Variants in MYO3B observed in about 807,000 individuals in gnomAD.
MYO3B encodes myosin-IIIb.
Under a neutral mutation model 174.6 loss-of-function variants are expected in MYO3B, and 156 were observed. The observed-to-expected ratio is 0.89, with a 90% CI of 0.78 to 1.02. The LOEUF (loss-of-function observed/expected upper bound fraction) is 1.02. MYO3B is among the 50% of genes least tolerant of loss of function. The pLI, the probability that MYO3B is intolerant of heterozygous loss-of-function variation, is 0.00. For synonymous variants in MYO3B, 563 were observed against 569.1 expected (o/e 0.99, Z 0.15); for missense variants, 1,632 against 1,639.4 (o/e 1.00, Z 0.08).
Position 170,639,373 on chromosome 2 carries a change from G to T in MYO3B, c.3734-12255G>T, listed in dbSNP as rs371268733. 9.2e-5 allele frequency among the ~76,000 whole-genome samples: 14 copies of T among 152,290 alleles called. No individual in the cohort carries two copies. In the East Asian group the frequency reaches 2.5e-3, roughly 27 times the overall value. On this transcript the variant is annotated intron_variant, in intron 32 of 34. Coordinates refer to ENST00000408978, the MANE Select transcript of MYO3B (RefSeq NM_138995.5). ...GCTGTTTTCCCACTGGGTGCAGTTT[G>T]GGTGGCCATTTTCGCCATAATTCCT... is the stretch of plus-strand genomic sequence containing the variant.
rs144401744 is a variant in MYO3B at position 170,368,591 on chromosome 2, A to T, written c.816-631A>T. ...GTTTAAATGCAACCCAATTTTTATCATTTCGAATGGACTTTTTGTTCCCTG... is the reference window on the plus strand; with the variant it reads ...GTTTAAATGCAACCCAATTTTTATCTTTTCGAATGGACTTTTTGTTCCCTG... On this transcript the variant is annotated intron_variant, in intron 8 of 34. Coordinates refer to ENST00000408978, the MANE Select transcript of MYO3B (RefSeq NM_138995.5). Among the ~76,000 whole-genome samples, 370 of 152,308 alleles carry T rather than the reference A, an allele frequency of 2.4e-3. 6 individuals are homozygous for T. Among genetic ancestry groups the T allele is most frequent in the African/African-American group, 8.5e-3 (354 of 41,570 alleles).
At chr2:170,226,818 C>A (rs1475813208) in intron 6 of MYO3B, among the ~76,000 whole-genome samples, 1 of 152,128 alleles carries the variant, frequency 6.6e-6, no homozygotes, top group Admixed American at 6.5e-5. Context: ...CTACCAGGAG[C>A]ATTTGGAATT....
At chr2:170,404,763 G>A (rs977148592) in intron 20 of MYO3B, among the ~76,000 whole-genome samples, 3 of 152,000 alleles carry the variant, frequency 2.0e-5, no homozygotes, top group Non-Finnish European at 2.9e-5. Context: ...CCTCTAATCT[G>A]ATTTCATGCA....
At chr2:170,398,228 GAAAAAAA>G (rs34432719) in intron 16 of MYO3B, among the ~76,000 whole-genome samples, 32 of 87,952 alleles carry the variant, frequency 3.6e-4, no homozygotes, top group South Asian at 4.1e-4. Flanking sequence ...TGTCTCAAAA[GAAAAAAA>G]AAAAAAAAAA....
At chr2:170,424,645 T>C (rs181358558) in intron 22 of MYO3B, among the ~76,000 whole-genome samples, 2 of 152,212 alleles carry the variant, frequency 1.3e-5, no homozygotes, top group Admixed American at 6.5e-5. Context: ...AAACAAACTT[T>C]AATAATGAGT....
intron 1 of MYO3B, among the ~76,000 whole-genome samples, chr2:170,198,028 T>G (rs1440098184): frequency 1.3e-5 from 2 of 151,986 alleles, no homozygotes; most frequent in Non-Finnish European, 2.9e-5. Context: ...GCTTTTGACC[T>G]AATGTGGGAA....
chr2:170,211,107 A>C (rs942144704), intron 3 of MYO3B, among the ~76,000 whole-genome samples: 2 of 152,206 alleles, frequency 1.3e-5, no homozygotes, highest in Non-Finnish European at 2.9e-5. Flanking sequence ...CTGGGGTTCC[A>C]TGAGAAAAAC....
At chr2:170,567,267 T>C (rs1334816344) in intron 32 of MYO3B, among the ~76,000 whole-genome samples, 3 of 152,180 alleles carry the variant, frequency 2.0e-5, no homozygotes, top group African/African-American at 7.2e-5. Flanking sequence ...GTCATTCTGA[T>C]ACCAAAATCA....
intron 27 of MYO3B, among the ~76,000 whole-genome samples, chr2:170,501,063 G>C (rs998784254): frequency 1.4e-5 from 2 of 145,092 alleles, no homozygotes; most frequent in Non-Finnish European, 3.0e-5. Flanking sequence ...CAGCAACTTC[G>C]AGAGTTGTGA....
chr2:170,420,458 C>G (rs2094607311), intron 22 of MYO3B, among the ~76,000 whole-genome samples: 1 of 152,056 alleles, frequency 6.6e-6, no homozygotes, highest in Non-Finnish European at 1.5e-5. Context: ...AACCACAGAG[C>G]TTTTGCAGAC....
At chr2:170,641,541 G>A (rs928319948) in intron 32 of MYO3B, 1 of 151,974 alleles carries the variant, frequency 6.6e-6, no homozygotes, top group Non-Finnish European at 1.5e-5. Context: ...GAAAAACATT[G>A]GAAACAACTT....
chr2:170,278,728 C>T (rs1450288822), intron 7 of MYO3B, among the ~76,000 whole-genome samples: 1 of 151,676 alleles, frequency 6.6e-6, no homozygotes, highest in Admixed American at 6.6e-5. Flanking sequence ...CTGTATGTTT[C>T]TACCCATTAA....
At chr2:170,555,920 G>A (rs561355997) in intron 32 of MYO3B, among the ~76,000 whole-genome samples, 1 of 151,992 alleles carries the variant, frequency 6.6e-6, no homozygotes, top group South Asian at 2.1e-4. Context: ...TGTCGGCTGG[G>A]TGTGGTGGCT....
At chr2:170,250,916 G>A (rs986297637) in intron 7 of MYO3B, among the ~76,000 whole-genome samples, 57 of 151,654 alleles carry the variant, frequency 3.8e-4, no homozygotes, top group African/African-American at 9.2e-4. Context: ...TCTGCCATTC[G>A]TCTGCTTGTC....
intron 8 of MYO3B, among the ~76,000 whole-genome samples, chr2:170,361,578 TAAG>T (rs1035049763): frequency 3.2e-4 from 48 of 152,318 alleles, no homozygotes; most frequent in African/African-American, 1.1e-3. Context: ...AGCTTAAACA[TAAG>T]AAGGAGGTGC....
At chr2:170,311,494 A>G (rs1379589318) in intron 7 of MYO3B, among the ~76,000 whole-genome samples, 1 of 150,988 alleles carries the variant, frequency 6.6e-6, no homozygotes, top group Non-Finnish European at 1.5e-5. Context: ...TTTTTCTAAT[A>G]TATTCTGGAT....
rs1043509789 is a variant in MYO3B, at chr2:170,329,008, C to T, written c.750-6377C>T. On this transcript the variant is annotated intron_variant, in intron 7 of 34. Coordinates refer to ENST00000408978, the MANE Select transcript of MYO3B (RefSeq NM_138995.5). ...AAACACTGTCTCTACAAAATTTAGC[C>T]GGGCATGATGGCAGGTGTCTGTAAT... Among the ~76,000 whole-genome samples the T allele has an allele frequency of 3.9e-5, 6 of 151,912 alleles. No individual in the cohort carries two copies. In the East Asian group the frequency reaches 7.7e-4, roughly 20 times the overall value.
At chr2:170,549,744 G>A (rs367695936) in intron 32 of MYO3B, among the ~76,000 whole-genome samples, 9 of 152,014 alleles carry the variant, frequency 5.9e-5, no homozygotes, top group African/African-American at 1.7e-4. Context: ...CAGATGAGTC[G>A]GTCACCCTGT....
chr2:170,317,114 A>G (rs1335323206), intron 7 of MYO3B, among the ~76,000 whole-genome samples: 1 of 152,188 alleles, frequency 6.6e-6, no homozygotes, highest in Admixed American at 6.5e-5. Context: ...ATAGCAGGGA[A>G]GTTTCCCTAA....
Sources: allele counts gnomAD v4.1 joint callset (sites outside exome capture counted in the v4.1 genomes callset), GRCh38; gene constraint gnomAD v4.1.1; transcripts MANE v1.5; gene names NCBI Gene and HGNC (gene_info 2026-07-23, HGNC 2026-07-21).